PDGFRL: variants seen among roughly 807,000 people sequenced by gnomAD.
PDGFRL encodes the protein platelet-derived growth factor receptor-like protein.
In PDGFRL, 46 loss-of-function variants were observed where a neutral mutation model predicts 37.2. The observed-to-expected ratio is 1.24, with a 90% CI of 0.98 to 1.58. PDGFRL has a LOEUF of 1.58. Among genes scored for constraint, PDGFRL ranks in the 40% most tolerant of loss-of-function variants. PDGFRL has a pLI of 0.00. For missense variants in PDGFRL, 692 were observed against 467.6 expected, an observed-to-expected ratio of 1.48 and a Z score of -4.43; for synonymous variants, 251 against 184.3, an observed-to-expected ratio of 1.36 and a Z score of -2.93.
intron 2 of PDGFRL, among the ~76,000 whole-genome samples, chr8:17,604,277 C>T (rs1410613501): frequency 6.6e-6 from 1 of 152,142 alleles, no homozygotes; most frequent in Non-Finnish European, 1.5e-5. Context: ...TATAAAGACA[C>T]ATGCACACGT....
intron 1 of PDGFRL, among the ~76,000 whole-genome samples, chr8:17,587,220 T>C (rs939294199): frequency 3.3e-5 from 5 of 152,166 alleles, no homozygotes; most frequent in African/African-American, 1.2e-4. Flanking sequence ...GGTGGGGCTA[T>C]TTGGTCAAAA....
At chr8:17,594,292 G>A (rs1804005136) in intron 2 of PDGFRL, among the ~76,000 whole-genome samples, 1 of 152,026 alleles carries the variant, frequency 6.6e-6, no homozygotes, top group Admixed American at 6.6e-5. Flanking sequence ...CCAGGCTGGA[G>A]TGCAGTGGGG....
intron 1 of PDGFRL, among the ~76,000 whole-genome samples, chr8:17,587,170 G>C (rs1313057983): frequency 6.6e-6 from 1 of 152,176 alleles, no homozygotes; most frequent in Non-Finnish European, 1.5e-5. Context: ...GGCCAATTCT[G>C]TGGTCAGGCA....
chr8:17,615,448 T>G (rs1471744556), intron 2 of PDGFRL, among the ~76,000 whole-genome samples: 1 of 152,188 alleles, frequency 6.6e-6, no homozygotes. Context: ...TATAAGTGTT[T>G]GTAACCTGAG....
chr8:17,582,327 C>A (rs139627144), intron 1 of PDGFRL, among the ~76,000 whole-genome samples: 2 of 152,086 alleles, frequency 1.3e-5, no homozygotes, highest in East Asian at 3.9e-4. Context: ...GGGTGGCTCA[C>A]GCCTGTAATC....
intron 5 of PDGFRL, among the ~76,000 whole-genome samples, chr8:17,637,469 G>C (rs1260983116): frequency 6.6e-6 from 1 of 152,164 alleles, no homozygotes; most frequent in Non-Finnish European, 1.5e-5. Flanking sequence ...GATTTGGTTA[G>C]CTAGTATTTT....
intron 2 of PDGFRL, among the ~76,000 whole-genome samples, chr8:17,602,877 A>G (rs1473848203): frequency 1.4e-4 from 22 of 152,262 alleles, no homozygotes; most frequent in Admixed American, 1.4e-3. Flanking sequence ...ATATGTGCCC[A>G]CTTATACCTA....
intron 5 of PDGFRL, 37 bp from the exon 6 acceptor site, chr8:17,642,575 TC>T: frequency 7.7e-7 from 1 of 1,303,494 alleles, no homozygotes; most frequent in Non-Finnish European, 1.1e-6. Context: ...TAGCAGCTTG[TC>T]CCTCTTGCTT....
intron 2 of PDGFRL, among the ~76,000 whole-genome samples, chr8:17,598,891 A>G (rs1280473577): frequency 6.6e-6 from 1 of 152,126 alleles, no homozygotes; most frequent in Non-Finnish European, 1.5e-5. Context: ...CTTGCCAGCT[A>G]CCACGTAAGA....
chr8:17,600,813 A>C (rs1284009719), intron 2 of PDGFRL, among the ~76,000 whole-genome samples: 1 of 121,614 alleles, frequency 8.2e-6, no homozygotes, highest in Non-Finnish European at 1.8e-5. Flanking sequence ...AAAAAAAAAA[A>C]ACAAAAAAAC....
upstream of PDGFRL, chr8:17,577,136 A>G: frequency 7.1e-7 from 1 of 1,416,326 alleles, no homozygotes; most frequent in South Asian, 1.3e-5. Flanking sequence ...CCTCCTGAAG[A>G]AACCGAATCC....
rs372449692 is a variant in PDGFRL at position 17,609,126 on chromosome 8, T to G, written c.354-11925T>G. ...GTCCTGGCTGCTTGGGAGGCTGGGG[T>G]GGGTGGTTGAGGCTACAGTGAGCCA... On this transcript the variant is annotated intron_variant, in intron 2 of 5. Coordinates refer to ENST00000251630, the MANE Select transcript of PDGFRL (RefSeq NM_001372073.1). Among the ~76,000 whole-genome samples the G allele has an allele frequency of 8.6e-3, 1,301 of 152,068 alleles. 25 individuals carry two copies. The highest frequency in any genetic ancestry group is 0.03 in the African/African-American group (1,240 of 41,484).
chr8:17,592,906 C>G (rs763545024), intron 2 of PDGFRL, among the ~76,000 whole-genome samples: 1 of 130,102 alleles, frequency 7.7e-6, no homozygotes, highest in African/African-American at 3.1e-5. Context: ...CTTCTTAAAC[C>G]CACATACATG....
chr8:17,576,845 G>A (rs77661506), upstream of PDGFRL: 6,209 of 291,464 alleles, frequency 0.021, 102 homozygotes, highest in Admixed American at 0.033. Flanking sequence ...TCTGCCTGAG[G>A]AGGTGGGGCG....
intron 3 of PDGFRL, among the ~76,000 whole-genome samples, chr8:17,627,509 C>T (rs1804757110): frequency 6.6e-6 from 1 of 151,494 alleles, no homozygotes; most frequent in African/African-American, 2.4e-5. Flanking sequence ...CTCTGTTGCC[C>T]AGGCTGGAGT....
chr8:17,587,844 G>C (rs909191148), intron 1 of PDGFRL, among the ~76,000 whole-genome samples: 1 of 152,116 alleles, frequency 6.6e-6, no homozygotes, highest in African/African-American at 2.4e-5. Context: ...TGCCCAGGCT[G>C]GTCTCAAACT....
intron 2 of PDGFRL, among the ~76,000 whole-genome samples, chr8:17,606,441 C>T (rs1017793911): frequency 4.6e-5 from 7 of 152,212 alleles, no homozygotes; most frequent in African/African-American, 9.6e-5. Context: ...TTGCAGTGGC[C>T]AGTCAAAAGG....
intron 2 of PDGFRL, among the ~76,000 whole-genome samples, chr8:17,613,543 G>A (rs1444795294): frequency 4.6e-5 from 7 of 152,140 alleles, no homozygotes; most frequent in African/African-American, 1.7e-4. Flanking sequence ...GCAGTCTCCC[G>A]TGAAGTAGTG....
At chr8:17,639,642 T>A (rs1482753477) in intron 5 of PDGFRL, among the ~76,000 whole-genome samples, 1 of 152,180 alleles carries the variant, frequency 6.6e-6, no homozygotes, top group Non-Finnish European at 1.5e-5. Flanking sequence ...TGCTGAGGAA[T>A]CTGCTGTTAA....
Sources: gnomAD v4.1 joint callset for allele counts (sites outside exome capture counted in the v4.1 genomes callset) on GRCh38, gnomAD v4.1.1 for gene constraint, MANE v1.5 for transcripts, NCBI Gene and HGNC (gene_info 2026-07-23, HGNC 2026-07-21) for gene names.